The following CCDC171 variants were observed in gnomAD, a reference collection of about 807,000 sequenced individuals.
CCDC171 encodes coiled-coil domain containing 171.
In CCDC171, 177 loss-of-function variants were observed where a neutral mutation model predicts 168.2. The observed-to-expected ratio is 1.05, with a 90% CI of 0.93 to 1.19. CCDC171 has a LOEUF of 1.19. CCDC171 is among the 50% of genes most tolerant of loss of function. The pLI, the probability that CCDC171 is intolerant of heterozygous loss-of-function variation, is 0.00. For synonymous variants in CCDC171, 687 were observed against 540.8 expected (o/e 1.27, Z -3.75); for missense variants, 1,991 against 1,539.0 (o/e 1.29, Z -4.91).
In CCDC171 at chr9:15,874,548, C is replaced by T. The variant is rs199954034; in HGVS notation, c.3485C>T (p.Ser1162Leu). 9.4e-6 allele frequency: 15 copies of T among 1,603,504 alleles called. No homozygotes were observed. Among genetic ancestry groups the T allele is most frequent in the Middle Eastern group, 1.7e-4 (1 of 5,988 alleles). Residue 1162 changes from serine (S) to leucine (L), a missense_variant, in exon 24 of 26, where the codon TCG becomes TTG. Coordinates refer to ENST00000380701, the MANE Select transcript of CCDC171 (RefSeq NM_173550.4). ...NTLHKVRDQISLSWSAASRND... is the reference protein window; with the variant it reads ...NTLHKVRDQILLSWSAASRND... Reference sequence around the variant, plus strand: ...TCCCTTTAGGTCAGAGATCAGATCTCGCTGTCATGGTCTGCGGCAAGTAGG... The same window carrying T: ...TCCCTTTAGGTCAGAGATCAGATCTTGCTGTCATGGTCTGCGGCAAGTAGG...
intron 8 of CCDC171, among the ~76,000 whole-genome samples, chr9:16,036,569 G>A (rs191154988): frequency 9.2e-5 from 14 of 152,310 alleles, no homozygotes; most frequent in African/African-American, 1.7e-4. Flanking sequence ...GCGTGAACCC[G>A]GGAGGTGGAG....
At chr9:16,076,626 C>A in the CCDC171 span, among the ~76,000 whole-genome samples, 30 of 152,226 alleles carry the variant, frequency 2.0e-4, no homozygotes, top group African/African-American at 5.8e-4. Context: ...CTCAGCACAT[C>A]TTCGTGCTGG....
At chr9:15,880,336 C>G (rs941111653) in intron 24 of CCDC171, among the ~76,000 whole-genome samples, 2 of 152,122 alleles carry the variant, frequency 1.3e-5, no homozygotes, top group South Asian at 2.1e-4. Flanking sequence ...TTTTTACTTG[C>G]CAATTGATAA....
At chr9:16,049,352 T>C (rs746076936) in intron 1 of CCDC171, among the ~76,000 whole-genome samples, 5 of 152,190 alleles carry the variant, frequency 3.3e-5, no homozygotes, top group Non-Finnish European at 5.9e-5. Flanking sequence ...AAAAACCTGG[T>C]AAAGCATTAT....
Position 15,574,509 on chromosome 9 carries a change from C to T in CCDC171, c.177+2750C>T, listed in dbSNP as rs550536980. On this transcript the variant is annotated intron_variant, in intron 3 of 25. Coordinates refer to ENST00000380701, the MANE Select transcript of CCDC171 (RefSeq NM_173550.4). ...GGCCAGGCTGGTCGCGAACTCCTGA[C>T]CTCAAGTGATCCACCTGTCTCGACC... 1.4e-4 allele frequency among the ~76,000 whole-genome samples: 22 copies of T among 152,202 alleles called. 1 individual carries two copies. In the South Asian group the frequency reaches 2.7e-3, roughly 19 times the overall value.
intron 6 of CCDC171, among the ~76,000 whole-genome samples, chr9:15,613,422 C>G (rs1377242879): frequency 6.6e-6 from 1 of 151,798 alleles, no homozygotes; most frequent in Non-Finnish European, 1.5e-5. Flanking sequence ...AATAAAGACT[C>G]AAAACACTCA....
intron 6 of CCDC171, among the ~76,000 whole-genome samples, chr9:15,597,323 A>C (rs527678782): frequency 6.6e-6 from 1 of 152,186 alleles, no homozygotes; most frequent in South Asian, 2.1e-4. Context: ...ACGTCCCATC[A>C]ATAGCTAATT....
intron 21 of CCDC171, among the ~76,000 whole-genome samples, chr9:15,833,657 T>C (rs9298739): frequency 0.44 from 67,377 of 152,022 alleles, 15,150 homozygotes; most frequent in Non-Finnish European, 0.48. Flanking sequence ...TGTAAACTTA[T>C]AAACCTCCAA....
At chr9:15,749,878 C>G (rs934609581) in intron 18 of CCDC171, among the ~76,000 whole-genome samples, 5 of 151,942 alleles carry the variant, frequency 3.3e-5, no homozygotes, top group African/African-American at 1.2e-4. Context: ...CAGGAAAGAT[C>G]AAAATCAACA....
intron 25 of CCDC171, among the ~76,000 whole-genome samples, chr9:15,931,433 G>A (rs1294635685): frequency 1.4e-5 from 2 of 140,054 alleles, no homozygotes; most frequent in African/African-American, 5.3e-5. Flanking sequence ...TTTAAATTGG[G>A]GTCTTTCTTT....
rs768433584 is a variant in CCDC171, at chr9:15,874,636, G to A, written c.3573G>A (p.Lys1191=). 3 of 1,600,248 alleles carry A rather than the reference G, an allele frequency of 1.9e-6. No homozygotes were observed. Among genetic ancestry groups the A allele is most frequent in the Non-Finnish European group, 2.6e-6 (3 of 1,173,150 alleles). Residue 1191 remains lysine, a synonymous_variant, in exon 24 of 26, where the codon AAG becomes AAA. Transcript: ENST00000380701. ...HLETFAMEGL[K]GGPEVVACQA... ...AGACCTTTGCAATGGAGGGGCTCAA[G>A]GGCGGGCCAGAGGTGGTAGCATGCC...
chr9:15,944,823 C>CTTT (rs752325078), intron 25 of CCDC171, among the ~76,000 whole-genome samples: 1 of 33,776 alleles, frequency 3.0e-5, no homozygotes, highest in African/African-American at 9.3e-5. Flanking sequence ...GGTTAGAATT[C>CTTT]TTTTTCTTTC....
chr9:15,765,333 G>A (rs79112481), intron 18 of CCDC171, among the ~76,000 whole-genome samples: 2,858 of 152,142 alleles, frequency 0.019, 111 homozygotes, highest in African/African-American at 0.065. Flanking sequence ...CAATGTGTTT[G>A]TGTGGTAAGG....
At chr9:15,681,709 G>A (rs1422211148) in intron 10 of CCDC171, among the ~76,000 whole-genome samples, 1 of 151,840 alleles carries the variant, frequency 6.6e-6, no homozygotes, top group African/African-American at 2.4e-5. Flanking sequence ...AGTTTCTCTT[G>A]AAAGATGTTT....
intron 6 of CCDC171, among the ~76,000 whole-genome samples, chr9:15,607,016 C>T (rs576291382): frequency 2.0e-5 from 3 of 152,280 alleles, no homozygotes; most frequent in African/African-American, 4.8e-5. Flanking sequence ...GCAAGTTTTT[C>T]TGTAAATTGC....
intron 16 of CCDC171, among the ~76,000 whole-genome samples, chr9:15,732,409 C>G (rs1263193622): frequency 6.6e-6 from 1 of 152,062 alleles, no homozygotes; most frequent in African/African-American, 2.4e-5. Context: ...GTTCCCACTT[C>G]ACTTGTTCAG....
At chr9:15,863,909 T>A (rs2061663459) in intron 23 of CCDC171, among the ~76,000 whole-genome samples, 1 of 152,076 alleles carries the variant, frequency 6.6e-6, no homozygotes, top group South Asian at 2.1e-4. Context: ...GTTTTGTATT[T>A]AGTGACAGAT....
chr9:15,710,297 GTC>G (rs59946349), intron 11 of CCDC171, among the ~76,000 whole-genome samples: 19 of 149,662 alleles, frequency 1.3e-4, no homozygotes, highest in Non-Finnish European at 1.3e-4. Flanking sequence ...CTCCTCTTCT[GTC>G]TCTCTCTCTC....
chr9:15,648,320 C>G (rs568406457), intron 7 of CCDC171, among the ~76,000 whole-genome samples: 1 of 152,170 alleles, frequency 6.6e-6, no homozygotes, highest in Non-Finnish European at 1.5e-5. Context: ...TGGAAGCATT[C>G]CCTTTGAAAA....
Sources: allele counts gnomAD v4.1 joint callset (sites outside exome capture counted in the v4.1 genomes callset), GRCh38; gene constraint gnomAD v4.1.1; transcripts MANE v1.5; gene names NCBI Gene and HGNC (gene_info 2026-07-23, HGNC 2026-07-21).